Variants in SDHA observed in about 807,000 individuals in gnomAD.
SDHA encodes the protein succinate dehydrogenase complex flavoprotein subunit A.
Under a neutral mutation model 78.4 loss-of-function variants are expected in SDHA, and 48 were observed. The observed-to-expected ratio is 0.61, with a 90% CI of 0.49 to 0.78. SDHA has a LOEUF of 0.78. Ranked by LOEUF, SDHA falls within the 30% of genes least tolerant of loss-of-function variation. The pLI is 0.00. For synonymous variants in SDHA, 326 were observed against 353.9 expected, an observed-to-expected ratio of 0.92 and a Z score of 0.88; for missense variants, 680 against 892.7, an observed-to-expected ratio of 0.76 and a Z score of 3.04.
chr5:246,185 G>A (rs1037771810), intron 11 of SDHA, among the ~76,000 whole-genome samples: 5 of 151,676 alleles, frequency 3.3e-5, no homozygotes, highest in African/African-American at 1.2e-4. Context: ...GCAGCCGATC[G>A]AAAAGCAAGG....
chr5:225,360 C>A (rs1188501974), intron 3 of SDHA, 59 bp from the exon 4 acceptor site: 1 of 1,610,876 alleles, frequency 6.2e-7, no homozygotes, highest in African/African-American at 1.3e-5. Flanking sequence ...GGATTTGGGC[C>A]TGGAAGACAA....
rs142569924 is a variant in SDHA, at chr5:239,257, G to A, written c.1433-1101G>A. ...ACTTAAAAACTTTTTTCAAGACATCGTAGAAACACAAGAGTTGCAAATCTT... is the reference window on the plus strand; with the variant it reads ...ACTTAAAAACTTTTTTCAAGACATCATAGAAACACAAGAGTTGCAAATCTT... On this transcript the variant is annotated intron_variant, in intron 10 of 14. Transcript: ENST00000264932. 2.1e-3 allele frequency among the ~76,000 whole-genome samples: 315 copies of A among 150,666 alleles called. 8 individuals carry two copies. The highest frequency in any genetic ancestry group is 0.016 in the Admixed American group (241 of 15,200).
chr5:238,157 T>A (rs1000955613), intron 10 of SDHA, among the ~76,000 whole-genome samples: 1 of 151,738 alleles, frequency 6.6e-6, no homozygotes, highest in African/African-American at 2.4e-5. Context: ...CTCAAAAGGC[T>A]GCATGCCTGT....
At chr5:255,701 C>T (rs1737141375) in intron 14 of SDHA, among the ~76,000 whole-genome samples, 1 of 152,094 alleles carries the variant, frequency 6.6e-6, no homozygotes, top group Non-Finnish European at 1.5e-5. Context: ...TCTTGGCCTC[C>T]CAACAGGCAT....
At chr5:223,134 C>T (rs1302814019) in intron 1 of SDHA, among the ~76,000 whole-genome samples, 1 of 152,224 alleles carries the variant, frequency 6.6e-6, no homozygotes, top group Non-Finnish European at 1.5e-5. Context: ...ACAATATACA[C>T]GTCTTTCCCC....
chr5:237,087 G>C (rs562777009), intron 10 of SDHA, among the ~76,000 whole-genome samples: 1 of 136,410 alleles, frequency 7.3e-6, no homozygotes, highest in East Asian at 1.9e-4. Context: ...ATAGAGGCTG[G>C]TTGGGGATCT....
In SDHA at chr5:223,499, A is replaced by G. The variant is rs759523671; in HGVS notation, c.81A>G (p.Gln27=). ...ALAKAWPTVL[Q]TGTRGFHFTV... The stretch of plus-strand genomic sequence containing the variant: ...GTCTCCAGTGGCCAACAGTGTTGCA[A>G]ACAGGAACCCGAGGTTTTCACTTCA... The change falls in exon 2 of 15, where the codon CAA becomes CAG. Residue 27 remains glutamine (Q), a synonymous_variant. Coordinates refer to ENST00000264932, the MANE Select transcript of SDHA (RefSeq NM_004168.4). 2 of 1,613,510 alleles carry G rather than the reference A, an allele frequency of 1.2e-6. No individual in the cohort carries two copies. The highest frequency in any genetic ancestry group is 8.5e-7 in the Non-Finnish European group (1 of 1,179,512).
rs13070 is a variant in SDHA, at chr5:251,426, A to G, written c.1752A>G (p.Ala584=). 236,102 of 1,612,340 alleles carry G rather than the reference A, an allele frequency of 0.15. 24,109 individuals carry two copies. The highest frequency in any genetic ancestry group is 0.53 in the African/African-American group (39,868 of 74,702). Residue 584 remains alanine, a synonymous_variant, in exon 13 of 15, where the codon GCA becomes GCG. Coordinates refer to ENST00000264932, the MANE Select transcript of SDHA (RefSeq NM_004168.4). ...TGCAGACCATCTACGGAGCAGAGGC[A>G]CGGAAGGAGTCACGGGGCGCGCATG... ...CALQTIYGAE[A]RKESRGAHAR...
At chr5:242,071 T>C (rs544125676) in intron 11 of SDHA, among the ~76,000 whole-genome samples, 35 of 152,312 alleles carry the variant, frequency 2.3e-4, no homozygotes, top group African/African-American at 8.4e-4. Flanking sequence ...CACGAGATGC[T>C]GGAGTCAGCA....
At chr5:236,858 C>T (rs1735821001) in intron 10 of SDHA, among the ~76,000 whole-genome samples, 1 of 151,262 alleles carries the variant, frequency 6.6e-6, no homozygotes, top group Non-Finnish European at 1.5e-5. Flanking sequence ...CACAATATTG[C>T]CCAGGCTGGT....
the SDHA span, among the ~76,000 whole-genome samples, chr5:268,145 T>C: frequency 6.6e-6 from 1 of 152,274 alleles, no homozygotes; most frequent in East Asian, 1.9e-4. Context: ...GACTCATCCA[T>C]TTGTACATTC....
intron 3 of SDHA, 110 bp from the exon 4 acceptor site, chr5:225,309 C>T: frequency 7.1e-7 from 1 of 1,407,308 alleles, no homozygotes; most frequent in Non-Finnish European, 1.0e-6. Flanking sequence ...CTGGGAGTCA[C>T]TGTGTGAGTA....
At chr5:259,658 T>C (rs1185538158), downstream of SDHA, among the ~76,000 whole-genome samples, 5 of 18,580 alleles carry the variant, frequency 2.7e-4, no homozygotes, top group East Asian at 8.1e-4. Context: ...GAGCTCCGCC[T>C]CCCGCCAGAG....
chr5:264,435 ACGTGGGCAGCTGGGCC>A, the SDHA span, among the ~76,000 whole-genome samples: 3 of 152,224 alleles, frequency 2.0e-5, no homozygotes, highest in Non-Finnish European at 4.4e-5. Flanking sequence ...GCCGGATCCC[ACGTGGGCAGCTGGGCC>A]CGTGCTCATT....
chr5:254,748 C>A (rs866891210), intron 14 of SDHA, among the ~76,000 whole-genome samples: 6 of 152,096 alleles, frequency 3.9e-5, no homozygotes, highest in African/African-American at 1.4e-4. Context: ...GTGGTGTGCG[C>A]CAGATGGACG....
At chr5:251,772 T>C in intron 13 of SDHA, 1 of 1,330,634 alleles carries the variant, frequency 7.5e-7, no homozygotes, top group Non-Finnish European at 9.8e-7. Context: ...AGGAAATAAA[T>C]GCCAGTTTAT....
In SDHA at chr5:235,130, T is replaced by C; in HGVS notation, c.1065-14T>C. 6.2e-7 allele frequency: 1 copy of C among 1,613,510 alleles called. No individual in the cohort carries two copies. The highest frequency in any genetic ancestry group is 8.5e-7 in the Non-Finnish European group (1 of 1,179,418). ...CCGTTCTCTGCCGTATGTGATGGTG[T>C]TCTGTCTTACCAGAGGCTGTGGCCC... On this transcript the variant is annotated splice_polypyrimidine_tract_variant and intron_variant, in intron 8 of 14. Coordinates refer to ENST00000264932, the MANE Select transcript of SDHA (RefSeq NM_004168.4).
intron 5 of SDHA, chr5:227,850 C>T: frequency 2.6e-6 from 1 of 377,388 alleles, no homozygotes; most frequent in Admixed American, 3.8e-5. Flanking sequence ...ACTGCATGGT[C>T]TGCGGACCTC....
Position 236,597 on chromosome 5 carries a change from C to G in SDHA, c.1430C>G (p.Pro477Arg). Residue 477 changes from proline (P) to arginine (R), a missense_variant and splice_region_variant, in exon 10 of 15, where the codon CCT (proline) becomes CGT (arginine). Physicochemically the swap from Pro to Arg is moderately radical, Grantham distance 103. Coordinates refer to ENST00000264932, the MANE Select transcript of SDHA (RefSeq NM_004168.4). The stretch of plus-strand genomic sequence containing the variant: ...CTGAGCATCGAAGAGTCATGCAGGC[C>G]TGGTAAGTGTTTTCTTCAGGAGCCA... Reference protein sequence around the residue: ...CALSIEESCRPGDKVPPIKPN... With the variant: ...CALSIEESCRRGDKVPPIKPN... 6.2e-7 allele frequency: 1 copy of G among 1,613,860 alleles called. No homozygotes were observed. Among genetic ancestry groups the G allele is most frequent in the Non-Finnish European group, 8.5e-7 (1 of 1,179,728 alleles).
Sources: gnomAD v4.1 joint callset for allele counts (sites outside exome capture counted in the v4.1 genomes callset) on GRCh38, gnomAD v4.1.1 for gene constraint, MANE v1.5 for transcripts, NCBI Gene and HGNC (gene_info 2026-07-23, HGNC 2026-07-21) for gene names.